XRN2: variants seen among roughly 807,000 people sequenced by gnomAD.
XRN2 encodes DHM1-like protein.
Under a neutral mutation model 138.5 loss-of-function variants are expected in XRN2, and 44 were observed. The observed-to-expected ratio is 0.32, with a 90% CI of 0.25 to 0.41. XRN2 has a LOEUF of 0.41. Ranked by LOEUF, XRN2 falls within the 10% of genes least tolerant of loss-of-function variation. The pLI is 1.00. For missense variants in XRN2, 937 were observed against 1,169.3 expected (o/e 0.80, Z 2.90); for synonymous variants, 354 against 369.4 (o/e 0.96, Z 0.48).
rs1263131618 is a variant in XRN2 at position 21,333,714 on chromosome 20, G to A, written c.944G>A (p.Arg315Lys). Residue 315 changes from arginine to lysine, a missense_variant, in exon 11 of 30, where the codon AGA becomes AAA. Transcript: ENST00000377191. ...RLNVLREYLERELTMASLPFT... is the reference protein window; with the variant it reads ...RLNVLREYLEKELTMASLPFT... Reference sequence around the variant, plus strand: ...CCTTTTTGGTTGTAGTATTTGGAAAGAGAACTCACAATGGCCAGCCTACCA... The same window carrying A: ...CCTTTTTGGTTGTAGTATTTGGAAAAAGAACTCACAATGGCCAGCCTACCA... 5.0e-6 allele frequency: 8 copies of A among 1,613,954 alleles called. No individual in the cohort carries two copies. The African/African-American group carries it at 1.1e-4, about 22-fold the overall frequency.
At chr20:21,313,130 G>A (rs994481267) in intron 1 of XRN2, among the ~76,000 whole-genome samples, 2 of 152,212 alleles carry the variant, frequency 1.3e-5, no homozygotes, top group African/African-American at 2.4e-5. Flanking sequence ...ACAGAAGTAT[G>A]CTCCTAAGTT....
intron 27 of XRN2, among the ~76,000 whole-genome samples, chr20:21,368,948 C>A (rs2122320021): frequency 6.6e-6 from 1 of 152,170 alleles, no homozygotes; most frequent in South Asian, 2.1e-4. Flanking sequence ...TTGAAATGTA[C>A]AATTAAATTA....
chr20:21,372,510 A>G (rs989677427), intron 27 of XRN2, among the ~76,000 whole-genome samples: 8 of 152,206 alleles, frequency 5.3e-5, no homozygotes, highest in African/African-American at 1.9e-4. Context: ...ATTTTTAACT[A>G]CAGTACATGT....
intron 3 of XRN2, among the ~76,000 whole-genome samples, chr20:21,327,519 C>T (rs2122203686): frequency 6.6e-6 from 1 of 152,186 alleles, no homozygotes; most frequent in Middle Eastern, 3.4e-3. Context: ...TGATAACTTG[C>T]TAAGTTGCAG....
chr20:21,314,464 T>C (rs1371477003), intron 1 of XRN2, among the ~76,000 whole-genome samples: 1 of 152,214 alleles, frequency 6.6e-6, no homozygotes, highest in African/African-American at 2.4e-5. Context: ...GTAGAGTTGC[T>C]GGATTATATG....
chr20:21,330,367 C>T (rs137949123), intron 4 of XRN2, 114 bp from the exon 5 acceptor site: 65 of 981,616 alleles, frequency 6.6e-5, no homozygotes, highest in East Asian at 2.6e-4. Context: ...CCTCGGATGA[C>T]GAGACTTCAC....
At chr20:21,343,075 T>C (rs1483412875) in intron 15 of XRN2, among the ~76,000 whole-genome samples, 1 of 152,206 alleles carries the variant, frequency 6.6e-6, no homozygotes, top group Non-Finnish European at 1.5e-5. Context: ...GAACTGTGTT[T>C]ATGCTGTGGA....
intron 27 of XRN2, among the ~76,000 whole-genome samples, 158 bp downstream of exon 27, chr20:21,368,748 C>CA (rs1368482807): frequency 1.3e-5 from 2 of 152,076 alleles, no homozygotes; most frequent in African/African-American, 2.4e-5. Context: ...ATACCTTATG[C>CA]AAAATCTTTC....
intron 20 of XRN2, 131 bp from the exon 21 acceptor site, chr20:21,354,658 A>G: frequency 2.6e-6 from 2 of 759,958 alleles, no homozygotes; most frequent in Non-Finnish European, 4.4e-6. Flanking sequence ...ATGAGACAAT[A>G]AGAGTTCAGT....
At chr20:21,312,200 C>T (rs1465042378) in intron 1 of XRN2, among the ~76,000 whole-genome samples, 1 of 151,896 alleles carries the variant, frequency 6.6e-6, no homozygotes, top group Non-Finnish European at 1.5e-5. Context: ...GCAAGCTCTG[C>T]CTCCCAGGCT....
chr20:21,331,489 A>G, intron 6 of XRN2, 72 bp from the exon 7 acceptor site: 5 of 1,302,524 alleles, frequency 3.8e-6, no homozygotes, highest in Admixed American at 1.8e-5. Flanking sequence ...TTCTTGAGAC[A>G]TATAATTCTT....
chr20:21,310,028 G>A (rs1361678508), intron 1 of XRN2, among the ~76,000 whole-genome samples: 1 of 152,056 alleles, frequency 6.6e-6, no homozygotes, highest in East Asian at 1.9e-4. Context: ...GTTTATTAAG[G>A]TAGAAGCTGA....
intron 1 of XRN2, among the ~76,000 whole-genome samples, chr20:21,309,324 T>C (rs1438698721): frequency 1.3e-5 from 2 of 152,362 alleles, no homozygotes; most frequent in Non-Finnish European, 2.9e-5. Context: ...ATTAAGTTTC[T>C]TTAGTTGATC....
At chr20:21,336,731 TAAG>T (rs781723582) in intron 13 of XRN2, among the ~76,000 whole-genome samples, 27 of 152,240 alleles carry the variant, frequency 1.8e-4, no homozygotes, top group Non-Finnish European at 2.6e-4. Context: ...TAAACCTCAT[TAAG>T]TGTTAGAGAA....
At chr20:21,350,475 G>A (rs1050113904) in intron 20 of XRN2, among the ~76,000 whole-genome samples, 3 of 121,618 alleles carry the variant, frequency 2.5e-5, no homozygotes, top group South Asian at 2.8e-4. Flanking sequence ...GCAGTGAGTC[G>A]AGATAGCACC....
At chr20:21,322,636 T>A (rs1195137659) in intron 1 of XRN2, among the ~76,000 whole-genome samples, 1 of 152,196 alleles carries the variant, frequency 6.6e-6, no homozygotes, top group Non-Finnish European at 1.5e-5. Context: ...ACTGGAACAG[T>A]GGGTTGGCAT....
At chr20:21,384,882 T>C (rs538276584) in intron 28 of XRN2, among the ~76,000 whole-genome samples, 121 of 152,344 alleles carry the variant, frequency 7.9e-4, no homozygotes, top group African/African-American at 2.7e-3. Flanking sequence ...ATTTTTAGTT[T>C]TGTAAGTATT....
intron 27 of XRN2, among the ~76,000 whole-genome samples, chr20:21,377,329 C>T (rs1159775077): frequency 8.1e-6 from 1 of 123,040 alleles, no homozygotes; most frequent in African/African-American, 3.1e-5. Flanking sequence ...GCAATCTCAG[C>T]TCGCTATACC....
chr20:21,373,404 G>T (rs1305807517), intron 27 of XRN2, among the ~76,000 whole-genome samples: 2 of 152,210 alleles, frequency 1.3e-5, no homozygotes, highest in African/African-American at 4.8e-5. Context: ...CTGGTTTGAG[G>T]TTGCTGGATT....
Sources: gnomAD v4.1 joint callset for allele counts (sites outside exome capture counted in the v4.1 genomes callset) on GRCh38, gnomAD v4.1.1 for gene constraint, MANE v1.5 for transcripts, NCBI Gene and HGNC (gene_info 2026-07-23, HGNC 2026-07-21) for gene names.